The following MROH2B variants were observed in gnomAD, a reference collection of about 807,000 sequenced individuals.
The protein encoded by MROH2B is maestro heat-like repeat-containing protein family member 2B.
MROH2B carries 177 observed loss-of-function variants against 208.6 expected under a neutral mutation model. The ratio of observed to expected loss-of-function variants is 0.85; its 90% CI spans 0.75 to 0.96. The LOEUF is 0.96. Among genes scored for constraint, MROH2B ranks in the 40% least tolerant of loss-of-function variants. The probability of loss-of-function intolerance (pLI) is 0.00; values close to 1 mark genes in which losing one functional copy is unlikely to be tolerated. For synonymous variants in MROH2B, 728 were observed against 659.0 expected (o/e 1.10, Z -1.60); for missense variants, 2,002 against 1,878.7 (o/e 1.07, Z -1.21).
chr5:41,052,462 T>C lies in MROH2B; in HGVS notation c.1230+3A>G, dbSNP rs758886950. 3 of 1,611,764 alleles carry C rather than the reference T, an allele frequency of 1.9e-6. No homozygotes were observed. The South Asian group carries it at 3.3e-5, about 18-fold the overall frequency. On this transcript the variant is annotated splice_donor_region_variant and intron_variant, in intron 12 of 41. Coordinates refer to ENST00000399564, the MANE Select transcript of MROH2B (RefSeq NM_173489.5). ...ATCACTCAAAACTGTAGCCTCTGCA[T>C]ACCAGATTCCTGTTCAACGTTGCAA...
rs1433131513 is a variant in MROH2B, at chr5:41,018,721, C to CACAT, written c.2639_2642dup (p.Asn882CysfsTer11). ...ACATTTCTTGACAGTCCTCTGCATTCACATTATCCCACATCATGGTCTTCA... is the reference window on the plus strand; with the variant it reads ...ACATTTCTTGACAGTCCTCTGCATTCACATACATTATCCCACATCATGGTCTTCA... On this transcript the variant is annotated frameshift_variant, in exon 26 of 42. Transcript: ENST00000399564. LOFTEE classifies it high-confidence loss of function. 4 of 1,613,826 alleles carry CACAT rather than the reference C, an allele frequency of 2.5e-6. No homozygotes were observed. Among genetic ancestry groups the CACAT allele is most frequent in the Non-Finnish European group, 3.4e-6 (4 of 1,179,876 alleles).
intron 30 of MROH2B, among the ~76,000 whole-genome samples, chr5:41,010,467 A>C (rs1340726035): frequency 6.6e-6 from 1 of 152,196 alleles, no homozygotes; most frequent in East Asian, 1.9e-4. Context: ...TACAACCGAC[A>C]GGGGAATCCA....
chr5:41,033,282 C>T (rs1742638096), intron 22 of MROH2B, 122 bp from the exon 23 acceptor site: 1 of 1,361,796 alleles, frequency 7.3e-7, no homozygotes, highest in Non-Finnish European at 1.0e-6. Flanking sequence ...CTTCCTTTGC[C>T]ATCTCTACTC....
chr5:41,033,857 C>A lies in MROH2B; in HGVS notation c.2222G>T (p.Gly741Val), dbSNP rs969293435. ...SLHGQCSQVL[G>V]MSVMNKDMDL... ...TCCTACCTTGTTCATCACAGACATGCCCAGAACCTAAAAAAAATCAAAGGC... is the reference window on the plus strand; with the variant it reads ...TCCTACCTTGTTCATCACAGACATGACCAGAACCTAAAAAAAATCAAAGGC... The change falls in exon 22 of 42, where the codon GGC becomes GTC. Residue 741 changes from glycine (G) to valine (V), a missense_variant. Gly to Val is a moderately radical substitution (Grantham distance 109). Transcript: ENST00000399564. 1 of 1,547,644 alleles carries A rather than the reference C, an allele frequency of 6.5e-7. No individual in the cohort carries two copies. Among genetic ancestry groups the A allele is most frequent in the African/African-American group, 1.4e-5 (1 of 72,886 alleles).
In MROH2B at chr5:41,027,656, A is replaced by G. The variant is rs1160265124; in HGVS notation, c.2441+5086T>C. On this transcript the variant is annotated intron_variant, in intron 24 of 41. Coordinates refer to ENST00000399564, the MANE Select transcript of MROH2B (RefSeq NM_173489.5). ...GATTCCTCAAGGATCTAGAACTAGA[A>G]TTACTGTTTGACCCAGCAATCCCAT... Among the ~76,000 whole-genome samples, 4 of 152,346 alleles carry G rather than the reference A, an allele frequency of 2.6e-5. No individual in the cohort carries two copies. The East Asian group carries it at 7.7e-4, about 29-fold the overall frequency.
intron 24 of MROH2B, among the ~76,000 whole-genome samples, chr5:41,022,275 G>C (rs1044104829): frequency 6.6e-6 from 1 of 152,192 alleles, no homozygotes; most frequent in Non-Finnish European, 1.5e-5. Context: ...GGAAGCACAA[G>C]GGGTCAGAGA....
rs1258737382 is a variant in MROH2B at position 41,033,040 on chromosome 5, C to T, written c.2361+1G>A. On this transcript the variant is annotated splice_donor_variant, in intron 23 of 41. Coordinates refer to ENST00000399564, the MANE Select transcript of MROH2B (RefSeq NM_173489.5). LOFTEE classifies it high-confidence loss of function. Reference sequence around the variant, plus strand: ...TTCTTATTCCCTCTCTGCACACTCACCAGCATGTAACCAATCAGCATCTCC... The same window carrying T: ...TTCTTATTCCCTCTCTGCACACTCATCAGCATGTAACCAATCAGCATCTCC... 3 of 1,612,892 alleles carry T rather than the reference C, an allele frequency of 1.9e-6. No individual in the cohort carries two copies. Among genetic ancestry groups the T allele is most frequent in the South Asian group, 1.1e-5 (1 of 91,052 alleles).
intron 24 of MROH2B, among the ~76,000 whole-genome samples, chr5:41,031,331 G>A (rs1035931731): frequency 6.6e-6 from 1 of 152,016 alleles, no homozygotes; most frequent in African/African-American, 2.4e-5. Context: ...TCACTATCAT[G>A]AGAACAGCAT....
chr5:41,023,453 T>C (rs1742233181), intron 24 of MROH2B, among the ~76,000 whole-genome samples: 1 of 152,098 alleles, frequency 6.6e-6, no homozygotes, highest in Non-Finnish European at 1.5e-5. Flanking sequence ...TGATTGAAGA[T>C]CAAATTAATG....
At chr5:41,031,614 C>G (rs1162053668) in intron 24 of MROH2B, among the ~76,000 whole-genome samples, 1 of 151,986 alleles carries the variant, frequency 6.6e-6, no homozygotes, top group African/African-American at 2.4e-5. Flanking sequence ...ATTTTAGGTT[C>G]AGACGGTACA....
At chr5:41,050,077 T>C (rs6868654) in intron 13 of MROH2B, among the ~76,000 whole-genome samples, 14,435 of 152,268 alleles carry the variant, frequency 0.095, 843 homozygotes, top group African/African-American at 0.17. Context: ...TCCTGCCCTT[T>C]CATGTCTCAT....
In MROH2B at chr5:41,018,936, G is replaced by A. The variant is rs1483710504; in HGVS notation, c.2524C>T (p.Leu842=). The change falls in exon 25 of 42, where the codon CTG becomes TTG. Residue 842 remains leucine (L), a synonymous_variant. Coordinates refer to ENST00000399564, the MANE Select transcript of MROH2B (RefSeq NM_173489.5). ...NIRRLLPLPP[L]ENLKSEGQTD... ...TGGCCTTCACTTTTCAGATTTTCCA[G>A]AGGTGGAAGGGGCAGCAGCCTCCGA... 3 of 1,613,886 alleles carry A rather than the reference G, an allele frequency of 1.9e-6. No individual in the cohort carries two copies. In the East Asian group the frequency reaches 6.7e-5, roughly 36 times the overall value.
At position 40,998,595 on chromosome 5, in the gene MROH2B, A is replaced by G. The variant is rs1325282990; in HGVS notation, c.4651+17T>C. On this transcript the variant is annotated intron_variant, in intron 41 of 41. Transcript: ENST00000399564. ...GAATGTAACAATATGCTGGGAAGAA[A>G]CTAGGTTGGTACTCACGTGTGGTCA... 3 of 1,578,608 alleles carry G rather than the reference A, an allele frequency of 1.9e-6. No individual in the cohort carries two copies. Among genetic ancestry groups the G allele is most frequent in the South Asian group, 2.3e-5 (2 of 86,518 alleles).
chr5:41,054,913 C>A, intron 10 of MROH2B, 73 bp from the exon 11 acceptor site: 2 of 1,074,090 alleles, frequency 1.9e-6, no homozygotes, highest in Non-Finnish European at 1.3e-6. Flanking sequence ...TGATGAAAAG[C>A]TATTAGAATT....
At chr5:41,008,309 T>C (rs1341151741) in intron 33 of MROH2B, among the ~76,000 whole-genome samples, 1 of 152,204 alleles carries the variant, frequency 6.6e-6, no homozygotes, top group Non-Finnish European at 1.5e-5. Context: ...GATCACAAGA[T>C]TCCAGCCTCT....
At chr5:41,063,724 G>T (rs1743710367) in intron 5 of MROH2B, among the ~76,000 whole-genome samples, 1 of 152,176 alleles carries the variant, frequency 6.6e-6, no homozygotes, top group Non-Finnish European at 1.5e-5. Flanking sequence ...TTTTAGAGTT[G>T]AAACTGGGAC....
At chr5:41,048,083 C>A in intron 16 of MROH2B, 6 of 472,240 alleles carry the variant, frequency 1.3e-5, no homozygotes, top group South Asian at 9.8e-5. Flanking sequence ...AAGAAAAAGA[C>A]GAGAGCAAAA....
At chr5:41,021,926 G>T (rs186697827) in intron 24 of MROH2B, among the ~76,000 whole-genome samples, 1 of 152,222 alleles carries the variant, frequency 6.6e-6, no homozygotes, top group Admixed American at 6.5e-5. Context: ...ATAGAATAAA[G>T]AGCTTATAAG....
intron 37 of MROH2B, 136 bp from the exon 38 acceptor site, chr5:41,000,969 C>T (rs1408570852): frequency 1.8e-5 from 18 of 973,114 alleles, no homozygotes; most frequent in South Asian, 3.7e-5. Context: ...ATCATAGTCA[C>T]GGCCTCTAAA....
Sources: gnomAD v4.1 joint callset for allele counts (sites outside exome capture counted in the v4.1 genomes callset) on GRCh38, gnomAD v4.1.1 for gene constraint, MANE v1.5 for transcripts, NCBI Gene and HGNC (gene_info 2026-07-23, HGNC 2026-07-21) for gene names.